The following ATRNL1 variants were observed in gnomAD, a reference collection of about 807,000 sequenced individuals.
The protein encoded by ATRNL1 is attractin like 1.
ATRNL1 carries 95 observed loss-of-function variants against 182.7 expected under a neutral mutation model. The observed-to-expected ratio is 0.52, with a 90% confidence interval of 0.44 to 0.62. The LOEUF is 0.62. Among genes scored for constraint, ATRNL1 ranks in the 20% least tolerant of loss-of-function variants. The pLI is 0.00. For synonymous variants in ATRNL1, 576 were observed against 568.3 expected (o/e 1.01, Z -0.19); for missense variants, 1,471 against 1,679.5 (o/e 0.88, Z 2.17).
At chr10:115,827,994 C>G (rs1035574231) in intron 27 of ATRNL1, among the ~76,000 whole-genome samples, 1 of 152,154 alleles carries the variant, frequency 6.6e-6, no homozygotes, top group East Asian at 1.9e-4. Context: ...GGCCCCAACT[C>G]ACATGGAATG....
At chr10:115,128,888 A>C (rs184251064) in intron 4 of ATRNL1, among the ~76,000 whole-genome samples, 4 of 152,176 alleles carry the variant, frequency 2.6e-5, no homozygotes, top group African/African-American at 9.6e-5. Flanking sequence ...TTCTTCAATA[A>C]CAGTGTATGG....
At chr10:115,508,143 T>C (rs1554981772) in intron 24 of ATRNL1, among the ~76,000 whole-genome samples, 2 of 152,052 alleles carry the variant, frequency 1.3e-5, no homozygotes, top group South Asian at 4.1e-4. Context: ...TATTACTATA[T>C]AGATTATGGC....
intron 21 of ATRNL1, among the ~76,000 whole-genome samples, chr10:115,429,018 C>T (rs1325249849): frequency 2.6e-5 from 4 of 151,974 alleles, no homozygotes; most frequent in Non-Finnish European, 5.9e-5. Context: ...ACAACATTGT[C>T]TCTTTGATCA....
chr10:115,607,663 T>C (rs962290985), intron 26 of ATRNL1, among the ~76,000 whole-genome samples: 3 of 151,904 alleles, frequency 2.0e-5, no homozygotes, highest in Non-Finnish European at 4.4e-5. Context: ...CAGTATCTTT[T>C]CTTTAGTTCC....
chr10:115,711,228 A>G (rs1947054870), intron 26 of ATRNL1, among the ~76,000 whole-genome samples: 2 of 152,184 alleles, frequency 1.3e-5, no homozygotes, highest in Non-Finnish European at 2.9e-5. Context: ...GAACTCAAGA[A>G]TTAGGCAGAT....
At chr10:115,629,714 T>A (rs1329682056) in intron 26 of ATRNL1, among the ~76,000 whole-genome samples, 4 of 152,144 alleles carry the variant, frequency 2.6e-5, no homozygotes, top group African/African-American at 9.6e-5. Flanking sequence ...CAGAACCATC[T>A]GTAGTCTTCC....
chr10:115,769,011 G>A (rs1948924149), intron 27 of ATRNL1, among the ~76,000 whole-genome samples: 1 of 151,898 alleles, frequency 6.6e-6, no homozygotes, highest in Admixed American at 6.6e-5. Context: ...GAATGAGAAA[G>A]TATTCATTAA....
intron 14 of ATRNL1, among the ~76,000 whole-genome samples, chr10:115,283,651 A>G (rs1396581476): frequency 6.6e-6 from 1 of 152,232 alleles, no homozygotes; most frequent in Admixed American, 6.5e-5. Context: ...ATGAAAATGT[A>G]GATCAATGAA....
intron 27 of ATRNL1, among the ~76,000 whole-genome samples, chr10:115,807,274 C>T (rs1443942729): frequency 6.6e-6 from 1 of 152,058 alleles, no homozygotes; most frequent in African/African-American, 2.4e-5. Context: ...TGTCACCACA[C>T]CTGGCTAATT....
At chr10:115,858,731 C>T (rs527846855) in intron 28 of ATRNL1, among the ~76,000 whole-genome samples, 6 of 151,990 alleles carry the variant, frequency 3.9e-5, no homozygotes, top group African/African-American at 1.4e-4. Flanking sequence ...TTGTGAGGTC[C>T]TCCATTTTTT....
At chr10:115,197,560 A>C (rs1387047880) in intron 8 of ATRNL1, among the ~76,000 whole-genome samples, 1 of 152,156 alleles carries the variant, frequency 6.6e-6, no homozygotes, top group African/African-American at 2.4e-5. Context: ...AAATTGTAAC[A>C]AATGACAGGG....
chr10:115,512,187 T>G (rs1158154717), intron 24 of ATRNL1, among the ~76,000 whole-genome samples: 1 of 151,920 alleles, frequency 6.6e-6, no homozygotes, highest in Non-Finnish European at 1.5e-5. Flanking sequence ...AATTAGAACA[T>G]AATAGATTTT....
intron 25 of ATRNL1, among the ~76,000 whole-genome samples, chr10:115,540,890 A>C (rs1852321648): frequency 6.6e-6 from 1 of 152,110 alleles, no homozygotes. Flanking sequence ...TAGATCTATT[A>C]CCTATGCGTA....
intron 9 of ATRNL1, among the ~76,000 whole-genome samples, chr10:115,235,129 T>G (rs911806895): frequency 2.0e-5 from 3 of 152,208 alleles, no homozygotes; most frequent in Non-Finnish European, 2.9e-5. Context: ...CTGATGTTTC[T>G]GCATGATTAG....
intron 26 of ATRNL1, among the ~76,000 whole-genome samples, chr10:115,711,308 T>A (rs1555054477): frequency 6.6e-6 from 1 of 152,048 alleles, no homozygotes; most frequent in Non-Finnish European, 1.5e-5. Context: ...AGATAAGAAG[T>A]TATGAGAGAC....
At chr10:115,929,946 A>T (rs1159727555) in intron 28 of ATRNL1, among the ~76,000 whole-genome samples, 1 of 152,160 alleles carries the variant, frequency 6.6e-6, no homozygotes, top group African/African-American at 2.4e-5. Flanking sequence ...CTGTGAAAGA[A>T]GCACCATTTG....
chr10:115,599,145 A>C (rs1856446906), intron 26 of ATRNL1, among the ~76,000 whole-genome samples: 1 of 152,226 alleles, frequency 6.6e-6, no homozygotes, highest in Admixed American at 6.5e-5. Context: ...CTGTATTGGA[A>C]AGCTATCAGG....
rs550528187 is a variant in ATRNL1 at position 115,271,391 on chromosome 10, G to A, written c.2100+2947G>A. Among the ~76,000 whole-genome samples, 10 of 151,982 alleles carry A rather than the reference G, an allele frequency of 6.6e-5. No individual in the cohort carries two copies. In the South Asian group the frequency reaches 1.0e-3, roughly 16 times the overall value. On this transcript the variant is annotated intron_variant, in intron 13 of 28. Transcript: ENST00000355044. The stretch of plus-strand genomic sequence containing the variant: ...GTTGGTGTGCTGCACTCATTAATTC[G>A]TCATTTACGTTAGGTATATCTCCTA...
chr10:115,573,974 A>G (rs1243245074), intron 26 of ATRNL1, among the ~76,000 whole-genome samples: 1 of 152,202 alleles, frequency 6.6e-6, no homozygotes, highest in African/African-American at 2.4e-5. Flanking sequence ...GTCCGATTGT[A>G]GGAGAACCTG....
Sources: gnomAD v4.1 joint callset for allele counts (sites outside exome capture counted in the v4.1 genomes callset) on GRCh38, gnomAD v4.1.1 for gene constraint, MANE v1.5 for transcripts, NCBI Gene and HGNC (gene_info 2026-07-23, HGNC 2026-07-21) for gene names.